The following KAZN variants were observed in gnomAD, a reference collection of about 807,000 sequenced individuals.
KAZN encodes kazrin, periplakin interacting protein, also known as kazrin.
Under a neutral mutation model 87.4 loss-of-function variants are expected in KAZN, and 40 were observed. The ratio of observed to expected loss-of-function variants is 0.46; its 90% CI spans 0.36 to 0.60. The LOEUF (loss-of-function observed/expected upper bound fraction) is 0.60, where lower values mean the gene tolerates loss of function less well. KAZN is among the 20% of genes least tolerant of loss of function. The pLI, the probability that KAZN is intolerant of heterozygous loss-of-function variation, is 0.00. For missense variants in KAZN, 898 were observed against 1,073.9 expected (o/e 0.84, Z 2.29); for synonymous variants, 466 against 458.3 (o/e 1.02, Z -0.22).
intron 1 of KAZN, among the ~76,000 whole-genome samples, chr1:14,065,164 G>A (rs1642958880): frequency 6.6e-6 from 1 of 152,196 alleles, no homozygotes; most frequent in Admixed American, 6.5e-5. Flanking sequence ...TTCATCCAAT[G>A]TTGCAAAGCT....
chr1:14,439,375 C>G (rs1228886050), intron 2 of KAZN, among the ~76,000 whole-genome samples: 1 of 152,146 alleles, frequency 6.6e-6, no homozygotes, highest in Non-Finnish European at 1.5e-5. Context: ...GTGATTGTTG[C>G]TTTGAAAACT....
chr1:15,015,665 C>T (rs1275404110), intron 2 of KAZN, among the ~76,000 whole-genome samples: 1 of 152,120 alleles, frequency 6.6e-6, no homozygotes, highest in Non-Finnish European at 1.5e-5. Flanking sequence ...AGGTCTAGGA[C>T]CTGAGTCAGG....
intron 1 of KAZN, among the ~76,000 whole-genome samples, chr1:14,948,701 G>C (rs1239943658): frequency 6.6e-6 from 1 of 152,148 alleles, no homozygotes; most frequent in Admixed American, 6.5e-5. Context: ...TGGATGAGGT[G>C]GCCTCTCAGA....
chr1:13,938,179 T>C (rs1016763239), intron 1 of KAZN, among the ~76,000 whole-genome samples: 3 of 152,234 alleles, frequency 2.0e-5, no homozygotes, highest in Non-Finnish European at 2.9e-5. Context: ...AGTTTTTTTC[T>C]GGTTTGTGTC....
intron 2 of KAZN, among the ~76,000 whole-genome samples, chr1:14,549,737 GC>G: frequency 6.7e-6 from 1 of 148,716 alleles, no homozygotes; most frequent in African/African-American, 2.5e-5. Context: ...CTGGCTTTGG[GC>G]AGTGGCCTCA....
At chr1:14,807,623 G>A (rs1256142037) in intron 1 of KAZN, among the ~76,000 whole-genome samples, 1 of 152,088 alleles carries the variant, frequency 6.6e-6, no homozygotes, top group Non-Finnish European at 1.5e-5. Flanking sequence ...AAAAGAATTA[G>A]TCGGGCATGG....
intron 2 of KAZN, among the ~76,000 whole-genome samples, chr1:14,446,027 C>CAAA (rs34266613): frequency 7.3e-6 from 1 of 137,148 alleles, no homozygotes; most frequent in Admixed American, 7.4e-5. Context: ...CCCATCTCTA[C>CAAA]AAAAAAAAAA....
chr1:14,890,463 C>G (rs886346731), intron 1 of KAZN, among the ~76,000 whole-genome samples: 6 of 152,188 alleles, frequency 3.9e-5, no homozygotes, highest in Non-Finnish European at 7.3e-5. Flanking sequence ...CTGTGACATC[C>G]CCTAAAAGCT....
In KAZN at chr1:14,454,684, G is replaced by T. The variant is rs536347277; in HGVS notation, c.250-144299G>T. ...ACCTTGGGGCATATACATTATTGAGGATAGCAGTGGTACTCATGAATGTTC... is the reference window on the plus strand; with the variant it reads ...ACCTTGGGGCATATACATTATTGAGTATAGCAGTGGTACTCATGAATGTTC... On this transcript the variant is annotated intron_variant, in intron 2 of 16. Coordinates refer to the KAZN transcript ENST00000636203. Among the ~76,000 whole-genome samples the T allele has an allele frequency of 1.6e-4, 25 of 152,294 alleles. 1 individual carries two copies. In the South Asian group the frequency reaches 5.0e-3, roughly 30 times the overall value.
intron 8 of KAZN, among the ~76,000 whole-genome samples, chr1:15,085,251 A>G (rs1001071451): frequency 4.6e-5 from 7 of 152,228 alleles, no homozygotes; most frequent in African/African-American, 1.7e-4. Context: ...TCTTAGATTT[A>G]TATTTGAATT....
At chr1:14,840,213 G>C (rs1448037916) in intron 1 of KAZN, among the ~76,000 whole-genome samples, 1 of 152,168 alleles carries the variant, frequency 6.6e-6, no homozygotes, top group Non-Finnish European at 1.5e-5. Flanking sequence ...TGCAGAGGTC[G>C]ATTATTGCTT....
chr1:14,972,905 G>C (rs1054012531), intron 2 of KAZN, among the ~76,000 whole-genome samples: 10 of 152,060 alleles, frequency 6.6e-5, no homozygotes, highest in Non-Finnish European at 2.9e-5. Context: ...CACAGGAGAG[G>C]GGGTGTGGGG....
rs532825247 is a variant in KAZN at position 14,841,125 on chromosome 1, G to A, written c.227-119559G>A. 3.9e-5 allele frequency among the ~76,000 whole-genome samples: 6 copies of A among 152,236 alleles called. No individual in the cohort carries two copies. In the East Asian group the frequency reaches 9.7e-4, roughly 25 times the overall value. On this transcript the variant is annotated intron_variant, in intron 1 of 14. Coordinates refer to ENST00000376030, the MANE Select transcript of KAZN (RefSeq NM_201628.3). ...TTTGCAGGCAATTCTGTTAGAAATG[G>A]AGCCATAAGCGGCCGGGTGTGGTGG...
intron 2 of KAZN, among the ~76,000 whole-genome samples, chr1:14,395,013 C>T (rs1359723021): frequency 6.6e-6 from 1 of 152,186 alleles, no homozygotes. Context: ...CCTAACTCAC[C>T]TCTGCTTCCT....
At chr1:14,245,634 C>A (rs1649429762) in intron 2 of KAZN, among the ~76,000 whole-genome samples, 1 of 152,136 alleles carries the variant, frequency 6.6e-6, no homozygotes, top group Non-Finnish European at 1.5e-5. Flanking sequence ...AGGTCACAGT[C>A]TATAAGGGGC....
At chr1:14,258,166 CA>C (rs1334690052) in intron 2 of KAZN, among the ~76,000 whole-genome samples, 2 of 132,194 alleles carry the variant, frequency 1.5e-5, no homozygotes, top group East Asian at 4.0e-4. Flanking sequence ...AAAACTGTCC[CA>C]AAACTGTATT....
chr1:14,269,292 C>T (rs1651737717), intron 2 of KAZN, among the ~76,000 whole-genome samples: 1 of 151,658 alleles, frequency 6.6e-6, no homozygotes, highest in African/African-American at 2.4e-5. Context: ...AAAAAAGATG[C>T]CTAAAGGACT....
rs72638369 is a variant in KAZN, at chr1:14,923,915, C to T, written c.227-36769C>T. 6.6e-6 allele frequency among the ~76,000 whole-genome samples: 1 copy of T among 152,056 alleles called. No individual in the cohort carries two copies. Among genetic ancestry groups the T allele is most frequent in the Non-Finnish European group, 1.5e-5 (1 of 67,968 alleles). On this transcript the variant is annotated intron_variant, in intron 1 of 14. Transcript: ENST00000376030. The surrounding 1 kb of genome is among the most constrained non-coding windows in gnomAD (Gnocchi z 4.2). ...TCCGTCACAGCCACCCCTGTGACAT[C>T]GGCCGTCTTTCTGACCCTCCGTGTC...
At chr1:14,365,765 C>T (rs1019647681) in intron 2 of KAZN, among the ~76,000 whole-genome samples, 1 of 152,172 alleles carries the variant, frequency 6.6e-6, no homozygotes, top group African/African-American at 2.4e-5. Flanking sequence ...AGTTAAGAAC[C>T]TCCGGGTTAA....
Sources: allele counts gnomAD v4.1 joint callset (sites outside exome capture counted in the v4.1 genomes callset), GRCh38; gene constraint gnomAD v4.1.1; non-coding constraint Gnocchi (gnomAD v3.1); transcripts MANE v1.5; gene names NCBI Gene and HGNC (gene_info 2026-07-23, HGNC 2026-07-21).